Variants in MITF observed in about 807,000 individuals in gnomAD.
MITF encodes the protein melanocyte inducing transcription factor, also known as microphthalmia-associated transcription factor.
MITF carries 17 observed loss-of-function variants against 60.5 expected under a neutral mutation model. That is an observed-to-expected ratio of 0.28 (90% CI 0.19 to 0.42). MITF has a LOEUF of 0.42. MITF is among the 10% of genes least tolerant of loss of function. The pLI is 1.00. For missense variants in MITF, 622 were observed against 683.5 expected (o/e 0.91, Z 1.00); for synonymous variants, 260 against 248.5 (o/e 1.05, Z -0.43).
rs189248187 is a variant in MITF, at chr3:69,889,977, G to C, written c.354+10594G>C. 2.6e-5 allele frequency among the ~76,000 whole-genome samples: 4 copies of C among 152,186 alleles called. No homozygotes were observed. The East Asian group carries it at 7.7e-4, about 29-fold the overall frequency. ...GCTCAGGAAAGGATTCTGCTCTACT[G>C]TTGGTAATAATAAATCACATAATGA... On this transcript the variant is annotated intron_variant, in intron 2 of 9. Coordinates refer to ENST00000352241, the MANE Select transcript of MITF (RefSeq NM_001354604.2).
intron 2 of MITF, among the ~76,000 whole-genome samples, chr3:69,880,391 C>A (rs2064458729): frequency 6.6e-6 from 1 of 152,130 alleles, no homozygotes; most frequent in Non-Finnish European, 1.5e-5. Context: ...CTTTAAAAAA[C>A]AAATCAAGAG....
chr3:69,781,279 T>C (rs2062559938), intron 1 of MITF, among the ~76,000 whole-genome samples: 1 of 152,210 alleles, frequency 6.6e-6, no homozygotes, highest in Non-Finnish European at 1.5e-5. Context: ...GTTGGGTCCA[T>C]AATCATGTAT....
chr3:69,814,508 T>G (rs899333463), intron 1 of MITF, among the ~76,000 whole-genome samples: 1 of 152,104 alleles, frequency 6.6e-6, no homozygotes, highest in African/African-American at 2.4e-5. Context: ...TTTTAATGTT[T>G]TGTAGAAACG....
intron 4 of MITF, 128 bp from the exon 5 acceptor site, chr3:69,941,108 A>G: frequency 1.5e-6 from 1 of 645,538 alleles, no homozygotes; most frequent in Non-Finnish European, 2.8e-6. Flanking sequence ...GAAAGAGGAC[A>G]GTTACTTCTT....
rs187046521 is a variant in MITF, at chr3:69,848,066, G to T, written c.105-31068G>T. 4.2e-3 allele frequency among the ~76,000 whole-genome samples: 646 copies of T among 152,178 alleles called. 4 individuals carry two copies. The highest frequency in any genetic ancestry group is 0.012 in the South Asian group (59 of 4,826). On this transcript the variant is annotated intron_variant, in intron 1 of 9. Transcript: ENST00000352241. ...TGCTTATTTTCCGTGTAGATAGAAT[G>T]AACTCAGTTGTTACGATGCTCTTGC...
intron 6 of MITF, among the ~76,000 whole-genome samples, chr3:69,949,888 T>G (rs1476362815): frequency 6.6e-6 from 1 of 152,188 alleles, no homozygotes; most frequent in Non-Finnish European, 1.5e-5. Context: ...ATTTGATCCT[T>G]GCATCCTGCA....
chr3:69,949,276 AC>A (rs1356467305), intron 6 of MITF, 108 bp downstream of exon 6: 1 of 828,590 alleles, frequency 1.2e-6, no homozygotes, highest in Non-Finnish European at 2.1e-6. Flanking sequence ...CATGGACGTA[AC>A]TTTTATAGGT....
At chr3:69,922,464 C>T (rs528798995) in intron 2 of MITF, among the ~76,000 whole-genome samples, 1 of 152,272 alleles carries the variant, frequency 6.6e-6, no homozygotes, top group South Asian at 2.1e-4. Flanking sequence ...TTGTGATCCA[C>T]CTGCCTTGGC....
At chr3:69,950,627 G>GTATATATATATATATATATATATATA (rs143648888) in intron 6 of MITF, among the ~76,000 whole-genome samples, 1 of 138,042 alleles carries the variant, frequency 7.2e-6, no homozygotes, top group African/African-American at 2.7e-5. Context: ...TATATGGTGT[G>GTATATATATATATATATATATATATA]TATATATATA....
At position 69,949,032 on chromosome 3, in the gene MITF, A is replaced by C; in HGVS notation, c.763-19A>C. 3 of 1,542,750 alleles carry C rather than the reference A, an allele frequency of 1.9e-6. No homozygotes were observed. Among genetic ancestry groups the C allele is most frequent in the Non-Finnish European group, 2.7e-6 (3 of 1,115,116 alleles). On this transcript the variant is annotated intron_variant, in intron 5 of 9. Coordinates refer to ENST00000352241, the MANE Select transcript of MITF (RefSeq NM_001354604.2). ...AATTGTTCAACAGTTAATTTCTGTT[A>C]CTGTTTGTCTCTCTCTAGTTGCCTG...
chr3:69,956,302 A>G (rs766451099), intron 7 of MITF, among the ~76,000 whole-genome samples, 153 bp from the exon 8 acceptor site: 1 of 152,200 alleles, frequency 6.6e-6, no homozygotes, highest in Non-Finnish European at 1.5e-5. Flanking sequence ...TTTAACTGCA[A>G]TACCAAGAAC....
chr3:69,786,528 CAGGAG>C (rs1000250579), intron 1 of MITF, among the ~76,000 whole-genome samples: 32 of 152,050 alleles, frequency 2.1e-4, no homozygotes, highest in African/African-American at 7.0e-4. Flanking sequence ...TTAGCTTACT[CAGGAG>C]AGGAAAGGAA....
chr3:69,770,100 G>C lies in MITF; in HGVS notation c.104+30399G>C, dbSNP rs74463075. On this transcript the variant is annotated intron_variant, in intron 1 of 9. Transcript: ENST00000352241. ...TAAAAATGCAGTGAACAACATCCTT[G>C]GGGCATAAGTATAGAAATAGTTTCA... Among the ~76,000 whole-genome samples, 388 of 152,096 alleles carry C rather than the reference G, an allele frequency of 2.6e-3. 3 individuals are homozygous for C. The highest frequency in any genetic ancestry group is 5.8e-3 in the Admixed American group (88 of 15,268).
intron 1 of MITF, among the ~76,000 whole-genome samples, chr3:69,759,321 C>T (rs1259657052): frequency 6.6e-6 from 1 of 152,078 alleles, no homozygotes; most frequent in Admixed American, 6.6e-5. Context: ...AACTTTGGTG[C>T]CATACTGAAT....
At chr3:69,947,491 T>C (rs930223054) in intron 5 of MITF, among the ~76,000 whole-genome samples, 2 of 152,144 alleles carry the variant, frequency 1.3e-5, no homozygotes, top group African/African-American at 4.8e-5. Flanking sequence ...TAAAACCACT[T>C]AGTGAAATGA....
intron 1 of MITF, among the ~76,000 whole-genome samples, chr3:69,750,441 A>G (rs1341136845): frequency 9.9e-6 from 1 of 101,208 alleles, no homozygotes; most frequent in Non-Finnish European, 2.0e-5. Flanking sequence ...ATCAATGATT[A>G]TCTCTGGCCT....
chr3:69,847,362 T>G (rs1223324954), intron 1 of MITF, among the ~76,000 whole-genome samples: 1 of 152,198 alleles, frequency 6.6e-6, no homozygotes, highest in African/African-American at 2.4e-5. Flanking sequence ...GTTTCCTTCC[T>G]AAGAAGGACA....
chr3:69,931,136 G>A (rs967541232), intron 2 of MITF, among the ~76,000 whole-genome samples: 6 of 152,160 alleles, frequency 3.9e-5, no homozygotes, highest in African/African-American at 1.4e-4. Context: ...TAAGCTAGGA[G>A]CGCATGTAAA....
intron 1 of MITF, among the ~76,000 whole-genome samples, chr3:69,742,213 G>T (rs1196844041): frequency 6.6e-6 from 1 of 151,910 alleles, no homozygotes; most frequent in Admixed American, 6.6e-5. Context: ...TTGCCCCTGG[G>T]GTCATTTGAC....
Sources: allele counts gnomAD v4.1 joint callset (sites outside exome capture counted in the v4.1 genomes callset), GRCh38; gene constraint gnomAD v4.1.1; transcripts MANE v1.5; gene names NCBI Gene and HGNC (gene_info 2026-07-23, HGNC 2026-07-21).